The following GAB3 variants were observed in gnomAD, a reference collection of about 807,000 sequenced individuals.
GAB3 encodes GRB2-associated-binding protein 3.
In GAB3, 12 loss-of-function variants were observed where a neutral mutation model predicts 40.4. The observed-to-expected ratio is 0.30, with a 90% CI of 0.19 to 0.48. GAB3 has a LOEUF of 0.48. Ranked by LOEUF, GAB3 falls within the 20% of genes least tolerant of loss-of-function variation. The pLI, the probability that GAB3 is intolerant of heterozygous loss-of-function variation, is 0.99. For synonymous variants in GAB3, 154 were observed against 176.7 expected, an observed-to-expected ratio of 0.87 and a Z score of 1.02; for missense variants, 381 against 461.9, an observed-to-expected ratio of 0.82 and a Z score of 1.61.
At chrX:154,695,370 T>C (rs1478117102) in intron 8 of GAB3, among the ~76,000 whole-genome samples, 4 of 111,548 alleles carry the variant, frequency 3.6e-5, no homozygotes, top group Admixed American at 9.5e-5. Context: ...CAAGTCTCCA[T>C]CCACTCAGGT....
chrX:154,696,298 C>CAAAAAAAA, intron 7 of GAB3, among the ~76,000 whole-genome samples: 1 of 40,142 alleles, frequency 2.5e-5, no homozygotes, highest in Non-Finnish European at 4.6e-5. Context: ...TATCATTTAG[C>CAAAAAAAA]AAAAAAAAAA....
At chrX:154,751,507 G>A (rs2071618026), upstream of GAB3, 1 of 751,858 alleles carries the variant, frequency 1.3e-6, no homozygotes, top group Non-Finnish European at 1.6e-6. Flanking sequence ...TCTGCCATGT[G>A]CATAGTTCAC....
At position 154,678,118 on chromosome X, in the gene GAB3, A is replaced by T; in HGVS notation, c.*60T>A. ...TAGTGGACAAAAAAAAAAAAAAAAG[A>T]AAAAACTCAAACTGAGCCCCAAGCT... On this transcript the variant is annotated 3_prime_UTR_variant, in exon 10 of 10. Transcript: ENST00000424127. 1 of 610,275 alleles carries T rather than the reference A, an allele frequency of 1.6e-6. No individual in the cohort carries two copies. The highest frequency in any genetic ancestry group is 2.6e-6 in the Non-Finnish European group (1 of 382,965). The allele number at this position is 610,275 out of a possible 1,213,427, so 50.3% of individuals were successfully genotyped here.
At chrX:154,739,716 TCATCAAA>T (rs2071410590) in intron 1 of GAB3, among the ~76,000 whole-genome samples, 1 of 110,722 alleles carries the variant, frequency 9.0e-6, no homozygotes, top group Admixed American at 9.5e-5. Context: ...GAAGAAGTTT[TCATCAAA>T]CATTTAAAAT....
At chrX:154,687,369 C>A (rs1418769289) in intron 8 of GAB3, among the ~76,000 whole-genome samples, 2 of 109,130 alleles carry the variant, frequency 1.8e-5, no homozygotes, top group South Asian at 7.9e-4. Context: ...TGGTGGCTCA[C>A]GCCTGTAATC....
rs782153079 is a variant in GAB3 at position 154,749,727 on chromosome X, C to T, written c.72+1227G>A. On this transcript the variant is annotated intron_variant, in intron 1 of 9. Transcript: ENST00000424127. ...CAAACAACAAAAATCTTTTCAAAGA[C>T]CCCTAAGAGAGAAACACACACTGTC... is the stretch of plus-strand genomic sequence containing the variant. Among the ~76,000 whole-genome samples the T allele has an allele frequency of 8.0e-5, 9 of 112,578 alleles. No individual in the cohort carries two copies. The South Asian group carries it at 2.9e-3, about 36-fold the overall frequency.
chrX:154,730,090 G>GC (rs1316121205), intron 1 of GAB3, among the ~76,000 whole-genome samples: 1 of 112,070 alleles, frequency 8.9e-6, no homozygotes, highest in Non-Finnish European at 1.9e-5. Context: ...AGCACTTTGG[G>GC]CACTGTTCTA....
intron 4 of GAB3, among the ~76,000 whole-genome samples, chrX:154,704,816 T>G: frequency 9.0e-6 from 1 of 111,276 alleles, no homozygotes; most frequent in Non-Finnish European, 1.9e-5. Flanking sequence ...AATTATACAT[T>G]AACAAATTTG....
chrX:154,707,709 T>C (rs1308570415), intron 4 of GAB3, among the ~76,000 whole-genome samples: 2 of 111,052 alleles, frequency 1.8e-5, no homozygotes, highest in Non-Finnish European at 3.8e-5. Context: ...TCCCATGCAG[T>C]GACATAAGAA....
chrX:154,682,156 C>A (rs1397123607), intron 8 of GAB3, among the ~76,000 whole-genome samples: 2 of 111,902 alleles, frequency 1.8e-5, no homozygotes, highest in Non-Finnish European at 3.8e-5. Flanking sequence ...TGTTTGTTAC[C>A]ATTATCTAGA....
chrX:154,735,171 C>G (rs2071347341), intron 1 of GAB3, among the ~76,000 whole-genome samples: 1 of 112,105 alleles, frequency 8.9e-6, no homozygotes, highest in African/African-American at 3.2e-5. Flanking sequence ...TGCAATGTAT[C>G]TTAATGTCAT....
intron 1 of GAB3, among the ~76,000 whole-genome samples, chrX:154,732,446 T>C (rs1165691854): frequency 8.9e-6 from 1 of 111,926 alleles, no homozygotes; most frequent in Non-Finnish European, 1.9e-5. Context: ...GTTGAATTAA[T>C]TAATGAATCT....
intron 4 of GAB3, among the ~76,000 whole-genome samples, chrX:154,709,679 G>C (rs782079400): frequency 6.4e-5 from 7 of 109,798 alleles, no homozygotes; most frequent in Non-Finnish European, 1.1e-4. Flanking sequence ...TAGTCAATTT[G>C]TGTCCATCAC....
chrX:154,712,087 G>T, intron 4 of GAB3, 142 bp downstream of exon 4: 1 of 450,814 alleles, frequency 2.2e-6, no homozygotes, highest in Non-Finnish European at 3.8e-6. Context: ...TACTGATGTG[G>T]CTTTTTACCA....
chrX:154,712,317 A>G lies in GAB3; in HGVS notation c.981T>C (p.Ser327=). 3 of 1,210,439 alleles carry G rather than the reference A, an allele frequency of 2.5e-6. No homozygotes were observed. The highest frequency in any genetic ancestry group is 3.4e-6 in the Non-Finnish European group (3 of 894,883). ...HLSERRQEEW[S]THSGSKKPEC... ...CTGGCTTCTTGCTACCACTGTGTGT[A>G]CTCCACTCCTCTTGGCGCCGTTCAG... is the stretch of plus-strand genomic sequence containing the variant. Residue 327 remains serine, a synonymous_variant, in exon 4 of 10, where the codon AGT becomes AGC. Transcript: ENST00000424127.
chrX:154,748,253 C>A (rs1195217916), intron 1 of GAB3, among the ~76,000 whole-genome samples: 1 of 111,640 alleles, frequency 9.0e-6, no homozygotes, highest in African/African-American at 3.3e-5. Context: ...GTGAACAAAG[C>A]AAATTGCAGG....
chrX:154,681,193 C>A (rs2070369095), intron 8 of GAB3, among the ~76,000 whole-genome samples: 1 of 109,983 alleles, frequency 9.1e-6, no homozygotes, highest in Non-Finnish European at 1.9e-5. Context: ...CAGAGTGAAC[C>A]AATCTACACG....
chrX:154,737,632 C>T (rs1557260684), intron 1 of GAB3, among the ~76,000 whole-genome samples: 1 of 112,030 alleles, frequency 8.9e-6, no homozygotes, highest in African/African-American at 3.3e-5. Flanking sequence ...TGGCTTGCCC[C>T]CAAACTGGGT....
At chrX:154,697,846 T>A (rs1374983716) in intron 6 of GAB3, among the ~76,000 whole-genome samples, 1 of 112,288 alleles carries the variant, frequency 8.9e-6, no homozygotes, top group African/African-American at 3.2e-5. Flanking sequence ...TTCACTGCAG[T>A]AGTCTCAGCA....
Sources: gnomAD v4.1 joint callset for allele counts (sites outside exome capture counted in the v4.1 genomes callset) on GRCh38, gnomAD v4.1.1 for gene constraint, MANE v1.5 for transcripts, NCBI Gene and HGNC (gene_info 2026-07-23, HGNC 2026-07-21) for gene names.